The following MEGF11 variants were observed in gnomAD, a reference collection of about 807,000 sequenced individuals.
MEGF11 encodes multiple epidermal growth factor-like domains protein 11.
A neutral mutation model predicts 146.6 loss-of-function variants in MEGF11; 126 were observed. That is an observed-to-expected ratio of 0.86 (90% CI 0.74 to 1.00). The LOEUF (loss-of-function observed/expected upper bound fraction) is 1.00. Ranked by LOEUF, MEGF11 falls within the 50% of genes least tolerant of loss-of-function variation. The probability of loss-of-function intolerance (pLI) is 0.00; values close to 1 mark genes in which losing one functional copy is unlikely to be tolerated. For missense variants in MEGF11, 1,509 were observed against 1,521.2 expected (o/e 0.99, Z 0.13); for synonymous variants, 532 against 583.4 (o/e 0.91, Z 1.27).
At chr15:66,105,439 G>A (rs938206129) in intron 4 of MEGF11, among the ~76,000 whole-genome samples, 1 of 152,186 alleles carries the variant, frequency 6.6e-6, no homozygotes, top group Non-Finnish European at 1.5e-5. Context: ...AAAAGGGACA[G>A]GCAGAACAAA....
At chr15:65,996,074 C>A (rs760455811) in intron 5 of MEGF11, among the ~76,000 whole-genome samples, 15 of 152,194 alleles carry the variant, frequency 9.9e-5, no homozygotes, top group Non-Finnish European at 2.1e-4. Context: ...GCTGTGGACA[C>A]TGGGGTCCTA....
chr15:66,070,792 A>C (rs2085332854), intron 5 of MEGF11, among the ~76,000 whole-genome samples: 1 of 152,196 alleles, frequency 6.6e-6, no homozygotes, highest in African/African-American at 2.4e-5. Flanking sequence ...GGATTAAGTG[A>C]GGCCAATGTC....
chr15:66,012,034 A>G (rs2140118222), intron 5 of MEGF11, among the ~76,000 whole-genome samples: 1 of 150,992 alleles, frequency 6.6e-6, no homozygotes, highest in African/African-American at 2.4e-5. Flanking sequence ...GTTTGAAACC[A>G]GCCTGGGCAA....
chr15:65,995,634 G>A (rs2082175086), intron 5 of MEGF11, among the ~76,000 whole-genome samples: 1 of 152,212 alleles, frequency 6.6e-6, no homozygotes, highest in Admixed American at 6.5e-5. Flanking sequence ...TTTGCAGGTG[G>A]TTTTACTCCA....
intron 1 of MEGF11, among the ~76,000 whole-genome samples, chr15:66,193,597 A>C (rs2090935451): frequency 6.6e-6 from 1 of 152,188 alleles, no homozygotes; most frequent in Non-Finnish European, 1.5e-5. Context: ...TCAAAAATAC[A>C]GTATTTGTGG....
intron 4 of MEGF11, among the ~76,000 whole-genome samples, chr15:66,097,793 C>T (rs2086618047): frequency 6.6e-6 from 1 of 151,148 alleles, no homozygotes; most frequent in African/African-American, 2.4e-5. Context: ...TTGGTTGGGA[C>T]TCTAACTGGT....
intron 5 of MEGF11, among the ~76,000 whole-genome samples, chr15:66,028,048 C>T (rs755042027): frequency 6.6e-6 from 1 of 152,158 alleles, no homozygotes; most frequent in Non-Finnish European, 1.5e-5. Flanking sequence ...GTCAGCACAC[C>T]CACCAGCTTC....
At chr15:66,046,475 AG>A (rs1312778591) in intron 5 of MEGF11, among the ~76,000 whole-genome samples, 1 of 152,216 alleles carries the variant, frequency 6.6e-6, no homozygotes, top group Non-Finnish European at 1.5e-5. Context: ...CTGAAGCCGA[AG>A]GGACGGCAGA....
intron 1 of MEGF11, among the ~76,000 whole-genome samples, chr15:66,222,821 C>A (rs1234323641): frequency 6.6e-6 from 1 of 152,180 alleles, no homozygotes; most frequent in Non-Finnish European, 1.5e-5. Context: ...TGGTTACAAT[C>A]AAAAACTCAG....
chr15:66,157,245 C>T (rs187722703), intron 1 of MEGF11, among the ~76,000 whole-genome samples: 6 of 152,356 alleles, frequency 3.9e-5, no homozygotes, highest in African/African-American at 1.2e-4. Context: ...AGCCAGCCTC[C>T]CTCCTCACTC....
rs200610808 is a variant in MEGF11 at position 66,012,077 on chromosome 15, A to AC, written c.395-29590_395-29589insG. Among the ~76,000 whole-genome samples, 388 of 151,846 alleles carry AC rather than the reference A, an allele frequency of 2.6e-3. 2 individuals are homozygous for AC. The highest frequency in any genetic ancestry group is 8.8e-3 in the African/African-American group (362 of 41,352). On this transcript the variant is annotated intron_variant, in intron 5 of 25. Coordinates refer to ENST00000395614, the MANE Select transcript of MEGF11 (RefSeq NM_001385028.1). ...AGACCCCATCTCTTAAAAAAAAAAA[A>AC]ATTAGCCAGGCGTGGTGGCACATAC...
intron 4 of MEGF11, among the ~76,000 whole-genome samples, chr15:66,116,728 T>G (rs1843398763): frequency 6.6e-6 from 1 of 152,160 alleles, no homozygotes; most frequent in African/African-American, 2.4e-5. Context: ...TGGGCCTCTT[T>G]GAGCAACTAA....
At chr15:65,961,071 G>C (rs1037768533) in intron 9 of MEGF11, among the ~76,000 whole-genome samples, 1 of 152,104 alleles carries the variant, frequency 6.6e-6, no homozygotes, top group African/African-American at 2.4e-5. Context: ...AGGATGGAGA[G>C]TGACAGCTGA....
At chr15:65,936,159 G>C (rs2079778804) in intron 10 of MEGF11, among the ~76,000 whole-genome samples, 1 of 152,092 alleles carries the variant, frequency 6.6e-6, no homozygotes, top group African/African-American at 2.4e-5. Flanking sequence ...TGTTTGCCTT[G>C]GGTATGTCTG....
chr15:66,215,524 C>T (rs1462580122), intron 1 of MEGF11, among the ~76,000 whole-genome samples: 2 of 152,184 alleles, frequency 1.3e-5, no homozygotes, highest in Non-Finnish European at 2.9e-5. Context: ...GCAGAAATTG[C>T]ATTTATCATA....
chr15:66,231,756 T>C (rs2126700), intron 1 of MEGF11, among the ~76,000 whole-genome samples: 69,982 of 152,118 alleles, frequency 0.46, 17,064 homozygotes, highest in East Asian at 0.68. Context: ...TTTCCAGCTT[T>C]CTCTCCACCC....
intron 13 of MEGF11, 64 bp from the exon 14 acceptor site, chr15:65,923,033 G>T (rs2079232674): frequency 6.4e-7 from 1 of 1,557,510 alleles, no homozygotes; most frequent in African/African-American, 1.4e-5. Flanking sequence ...AAGAATGGAG[G>T]GAAGGGGGAC....
At chr15:66,169,761 G>A (rs1422359472) in intron 1 of MEGF11, among the ~76,000 whole-genome samples, 1 of 152,196 alleles carries the variant, frequency 6.6e-6, no homozygotes, top group East Asian at 1.9e-4. Flanking sequence ...CTTGACCCCG[G>A]GTGGTTGGGT....
intron 4 of MEGF11, among the ~76,000 whole-genome samples, chr15:66,094,983 T>C (rs931627164): frequency 1.3e-5 from 2 of 152,158 alleles, no homozygotes; most frequent in Non-Finnish European, 2.9e-5. Flanking sequence ...CCTCCCCAAA[T>C]GTCCCTATTT....
Sources: gnomAD v4.1 joint callset for allele counts (sites outside exome capture counted in the v4.1 genomes callset) on GRCh38, gnomAD v4.1.1 for gene constraint, MANE v1.5 for transcripts, NCBI Gene and HGNC (gene_info 2026-07-23, HGNC 2026-07-21) for gene names.